The following PRKD3 variants were observed in gnomAD, a reference collection of about 807,000 sequenced individuals.
PRKD3 encodes the protein protein kinase D3.
In PRKD3, 47 loss-of-function variants were observed where a neutral mutation model predicts 99.2. The observed-to-expected ratio is 0.47, with a 90% CI of 0.38 to 0.60. The LOEUF (loss-of-function observed/expected upper bound fraction) is 0.60. Ranked by LOEUF, PRKD3 falls within the 20% of genes least tolerant of loss-of-function variation. The probability of loss-of-function intolerance (pLI) is 0.00; values close to 1 mark genes in which losing one functional copy is unlikely to be tolerated. For synonymous variants in PRKD3, 392 were observed against 355.4 expected (o/e 1.10, Z -1.16); for missense variants, 1,019 against 1,088.4 (o/e 0.94, Z 0.90).
chr2:37,272,995 G>A (rs1035831781), intron 11 of PRKD3, among the ~76,000 whole-genome samples: 1 of 151,870 alleles, frequency 6.6e-6, no homozygotes, highest in African/African-American at 2.4e-5. Flanking sequence ...GGGGGGAGGG[G>A]GGGAAGTGGA....
chr2:37,286,670 T>C (rs1370776861), intron 5 of PRKD3, among the ~76,000 whole-genome samples: 1 of 152,142 alleles, frequency 6.6e-6, no homozygotes, highest in Non-Finnish European at 1.5e-5. Context: ...TACACAAACT[T>C]TAAAACAAAT....
intron 16 of PRKD3, 141 bp from the exon 17 acceptor site, chr2:37,257,070 T>C (rs1668012380): frequency 2.0e-6 from 2 of 975,634 alleles, no homozygotes; most frequent in African/African-American, 3.3e-5. Flanking sequence ...GATAAGGAAA[T>C]TGTAAAATAT....
chr2:37,280,008 C>T, intron 7 of PRKD3, 79 bp from the exon 8 acceptor site: 1 of 894,358 alleles, frequency 1.1e-6, no homozygotes, highest in Non-Finnish European at 1.7e-6. Flanking sequence ...TCTTAAGAGT[C>T]TTAAAATGTA....
intron 14 of PRKD3, among the ~76,000 whole-genome samples, chr2:37,266,582 G>A (rs572646356): frequency 6.6e-6 from 1 of 152,186 alleles, no homozygotes; most frequent in East Asian, 1.9e-4. Flanking sequence ...CACCTTCCAG[G>A]TTCAAGCGAT....
chr2:37,314,878 T>C (rs1323645733), intron 2 of PRKD3, among the ~76,000 whole-genome samples: 1 of 152,166 alleles, frequency 6.6e-6, no homozygotes, highest in Non-Finnish European at 1.5e-5. Context: ...AAGGATACAA[T>C]GCTCTACAGG....
intron 14 of PRKD3, among the ~76,000 whole-genome samples, chr2:37,265,576 T>TA (rs1335212657): frequency 6.6e-6 from 1 of 152,174 alleles, no homozygotes; most frequent in Non-Finnish European, 1.5e-5. Flanking sequence ...CAGACAGACT[T>TA]AGATTCAAAC....
At position 37,250,686 on chromosome 2, in the gene PRKD3, C is replaced by T. The variant is rs1291090587; in HGVS notation, c.*2491G>A. ...TTTGGATACTTATACTAGAAATAGGCTCAGGTTTTCACATGGAAAAGTATG... is the reference window on the plus strand; with the variant it reads ...TTTGGATACTTATACTAGAAATAGGTTCAGGTTTTCACATGGAAAAGTATG... On this transcript the variant is annotated 3_prime_UTR_variant, in exon 19 of 19. Transcript: ENST00000234179. 4 of 151,994 alleles carry T rather than the reference C, an allele frequency of 2.6e-5. No homozygotes were observed. Among genetic ancestry groups the T allele is most frequent in the African/African-American group, 9.7e-5 (4 of 41,364 alleles). 9.4% of individuals were successfully genotyped at this position (151,994 alleles called of 1,614,324 possible).
At chr2:37,281,409 T>C (rs541501719) in intron 7 of PRKD3, among the ~76,000 whole-genome samples, 9 of 152,318 alleles carry the variant, frequency 5.9e-5, no homozygotes, top group African/African-American at 2.2e-4. Context: ...GTATGAATGT[T>C]TGTTCCCCTT....
At chr2:37,282,239 G>C (rs527241808) in intron 7 of PRKD3, 4 of 294,214 alleles carry the variant, frequency 1.4e-5, no homozygotes, top group Non-Finnish European at 2.6e-5. Context: ...AACTATGAAA[G>C]AATAGAGACA....
chr2:37,253,275 C>T lies in PRKD3; in HGVS notation c.2575G>A (p.Asp859Asn). 6.2e-7 allele frequency: 1 copy of T among 1,613,016 alleles called. No individual in the cohort carries two copies. The highest frequency in any genetic ancestry group is 8.5e-7 in the Non-Finnish European group (1 of 1,179,164). The change falls in exon 19 of 19, where the codon GAT becomes AAT. Residue 859 changes from aspartate to asparagine, a missense_variant. By Grantham distance (23) the Asp-to-Asn change is conservative. Coordinates refer to ENST00000234179, the MANE Select transcript of PRKD3 (RefSeq NM_005813.6). ...TATGCATGTATTTCCCAGCGAGCATCATCACTTTCATGTGTAATGTAACGT... is the reference window on the plus strand; with the variant it reads ...TATGCATGTATTTCCCAGCGAGCATTATCACTTTCATGTGTAATGTAACGT... ...GERYITHESD[D>N]ARWEIHAYTH... is the part of the protein sequence containing the mutation.
chr2:37,269,767 A>T (rs1572637579), intron 12 of PRKD3, 80 bp from the exon 13 acceptor site: 15 of 958,622 alleles, frequency 1.6e-5, no homozygotes, highest in African/African-American at 9.9e-5. Flanking sequence ...TCATCCAAAT[A>T]CTTCAATACA....
chr2:37,253,387 A>C, intron 18 of PRKD3, 37 bp from the exon 19 acceptor site: 1 of 1,547,644 alleles, frequency 6.5e-7, no homozygotes, highest in Non-Finnish European at 8.8e-7. Flanking sequence ...GAAACAAAAG[A>C]AACAAAATAC....
At position 37,275,806 on chromosome 2, in the gene PRKD3, T is replaced by A. The variant is rs763523201; in HGVS notation, c.1335A>T (p.Leu445=). Residue 445 remains leucine (L), a synonymous_variant, in exon 10 of 19, where the codon CTA becomes CTT. Coordinates refer to ENST00000234179, the MANE Select transcript of PRKD3 (RefSeq NM_005813.6). ...ATCCAGATTCATTCTGAAATAATGT[T>A]AGACATTTGCTGTCAAGTCTCCAAT... is the stretch of plus-strand genomic sequence containing the variant. ...RHYWRLDSKC[L]TLFQNESGSK... 1.2e-5 allele frequency: 19 copies of A among 1,609,920 alleles called. No homozygotes were observed. The South Asian group carries it at 2.0e-4, about 17-fold the overall frequency.
At chr2:37,256,982 T>C (rs1240098271) in intron 16 of PRKD3, 53 bp from the exon 17 acceptor site, 8 of 1,567,342 alleles carry the variant, frequency 5.1e-6, no homozygotes, top group Non-Finnish European at 7.0e-6. Flanking sequence ...TATATGTAAC[T>C]ACCTGTCCCT....
rs1318387166 is a variant in PRKD3, at chr2:37,267,460, A to T, written c.1854T>A (p.Ser618Arg). Reference sequence around the variant, plus strand: ...AAATAGCCACTTCATTACGGAGTTGACTTTCTTGTTTTGTGGGGAATCTCA... The same window carrying T: ...AAATAGCCACTTCATTACGGAGTTGTCTTTCTTGTTTTGTGGGGAATCTCA... ...DKMRFPTKQE[S>R]QLRNEVAILQ... is the part of the protein sequence containing the mutation. The change falls in exon 14 of 19, where the codon AGT becomes AGA. Residue 618 changes from serine (S) to arginine (R), a missense_variant. Physicochemically the swap from Ser to Arg is moderately radical, Grantham distance 110. Transcript: ENST00000234179. 2 of 1,608,120 alleles carry T rather than the reference A, an allele frequency of 1.2e-6. No individual in the cohort carries two copies. Among genetic ancestry groups the T allele is most frequent in the South Asian group, 2.2e-5 (2 of 90,206 alleles).
intron 10 of PRKD3, 91 bp from the exon 11 acceptor site, chr2:37,274,788 G>T: frequency 8.1e-7 from 1 of 1,240,940 alleles, no homozygotes; most frequent in Non-Finnish European, 1.1e-6. Context: ...GCATTTCAAT[G>T]AATGCCATTA....
intron 9 of PRKD3, 151 bp from the exon 10 acceptor site, chr2:37,275,995 G>A (rs998497807): frequency 8.7e-7 from 1 of 1,146,966 alleles, no homozygotes; most frequent in Non-Finnish European, 1.2e-6. Context: ...ATATAAAAAG[G>A]ATGTATGGTG....
chr2:37,308,903 T>C (rs1671292418), intron 2 of PRKD3, among the ~76,000 whole-genome samples: 2 of 152,164 alleles, frequency 1.3e-5, no homozygotes, highest in Non-Finnish European at 2.9e-5. Context: ...TGCTTATCTA[T>C]TTATGTTCAG....
At chr2:37,272,277 T>C (rs1372879309) in intron 12 of PRKD3, 103 bp downstream of exon 12, 5 of 1,522,604 alleles carry the variant, frequency 3.3e-6, no homozygotes, top group Non-Finnish European at 4.4e-6. Context: ...AAGTCTAGCC[T>C]AGTACTTTGG....
Sources: gnomAD v4.1 joint callset for allele counts (sites outside exome capture counted in the v4.1 genomes callset) on GRCh38, gnomAD v4.1.1 for gene constraint, MANE v1.5 for transcripts, NCBI Gene and HGNC (gene_info 2026-07-23, HGNC 2026-07-21) for gene names.